Variants in RPRD1B observed in about 807,000 individuals in gnomAD.
The protein encoded by RPRD1B is regulation of nuclear pre-mRNA domain containing 1B, also known as regulation of nuclear pre-mRNA domain-containing protein 1B.
A neutral mutation model predicts 41.5 loss-of-function variants in RPRD1B; 11 were observed. The ratio of observed to expected loss-of-function variants is 0.27; its 90% CI spans 0.17 to 0.44. The LOEUF is 0.44. RPRD1B is among the 20% of genes least tolerant of loss of function. The pLI is 1.00. For synonymous variants in RPRD1B, 158 were observed against 155.6 expected, an observed-to-expected ratio of 1.02 and a Z score of -0.12; for missense variants, 248 against 389.9, an observed-to-expected ratio of 0.64 and a Z score of 3.06.
intron 2 of RPRD1B, 38 bp downstream of exon 2, chr20:38,040,602 T>C (rs1477806667): frequency 1.3e-6 from 2 of 1,580,126 alleles, no homozygotes; most frequent in African/African-American, 2.8e-5. Flanking sequence ...TTTAAATTCA[T>C]TGCCTTTCCC....
intron 5 of RPRD1B, among the ~76,000 whole-genome samples, chr20:38,061,636 C>T (rs147157665): frequency 6.6e-6 from 1 of 152,090 alleles, no homozygotes; most frequent in Non-Finnish European, 1.5e-5. Context: ...TAGCTACTGC[C>T]TCATTTCTCT....
chr20:38,044,683 A>C (rs1373954074), intron 2 of RPRD1B, among the ~76,000 whole-genome samples: 1 of 152,110 alleles, frequency 6.6e-6, no homozygotes, highest in Non-Finnish European at 1.5e-5. Context: ...TCAGGTGTTC[A>C]TTAAGAACCG....
intron 6 of RPRD1B, among the ~76,000 whole-genome samples, chr20:38,073,069 T>C (rs1243650166): frequency 6.6e-6 from 1 of 152,140 alleles, no homozygotes; most frequent in Non-Finnish European, 1.5e-5. Flanking sequence ...TTCATCAGAT[T>C]TGTACTTTTG....
intron 3 of RPRD1B, among the ~76,000 whole-genome samples, chr20:38,048,955 T>A (rs1186687736): frequency 1.3e-5 from 2 of 152,052 alleles, no homozygotes; most frequent in Non-Finnish European, 2.9e-5. Flanking sequence ...AAGTTGATTG[T>A]TTGTTTGTTT....
chr20:38,051,567 T>G (rs1337910864), intron 3 of RPRD1B, among the ~76,000 whole-genome samples: 1 of 152,208 alleles, frequency 6.6e-6, no homozygotes, highest in Non-Finnish European at 1.5e-5. Context: ...AGAGAGATAA[T>G]TGGTAAGTGG....
At chr20:38,040,074 G>T (rs2074049932) in intron 1 of RPRD1B, among the ~76,000 whole-genome samples, 1 of 152,140 alleles carries the variant, frequency 6.6e-6, no homozygotes, top group African/African-American at 2.4e-5. Context: ...AATTAAAAGT[G>T]AGTTAGAAGT....
In RPRD1B at chr20:38,090,129, A is replaced by C. The variant is rs1185847925; in HGVS notation, c.*254A>C. ...ACTTTTTCTCCCACTTCATATTTTC[A>C]TGCCCCCCTGTTGGTTTTCCATTCT... is the stretch of plus-strand genomic sequence containing the variant. On this transcript the variant is annotated 3_prime_UTR_variant, in exon 7 of 7. Coordinates refer to ENST00000373433, the MANE Select transcript of RPRD1B (RefSeq NM_021215.4). The C allele has an allele frequency of 8.4e-7, 1 of 1,192,032 alleles. No homozygotes were observed. Among genetic ancestry groups the C allele is most frequent in the East Asian group, 3.8e-5 (1 of 26,520 alleles). The allele number at this position is 1,192,032 out of a possible 1,614,324, so 73.8% of individuals were successfully genotyped here. A position where few individuals can be genotyped will look rare whatever the true frequency, so the allele number is the denominator to read the frequency against.
chr20:38,057,587 G>A lies in RPRD1B; in HGVS notation c.471G>A (p.Glu157=). 3 of 1,614,094 alleles carry A rather than the reference G, an allele frequency of 1.9e-6. No homozygotes were observed. The highest frequency in any genetic ancestry group is 4.5e-5 in the East Asian group (2 of 44,882). ...CTTTTCAGCAAATTCAGGAGGAGGA[G>A]GATGACGACTACCCTGGCAGCTACT... is the stretch of plus-strand genomic sequence containing the variant. ...KRTFQQIQEE[E]DDDYPGSYSP... The change falls in exon 4 of 7, where the codon GAG becomes GAA. Residue 157 remains glutamate, a synonymous_variant. Coordinates refer to ENST00000373433, the MANE Select transcript of RPRD1B (RefSeq NM_021215.4).
At position 38,091,169 on chromosome 20, in the gene RPRD1B, G is replaced by A. The variant is rs77207384; in HGVS notation, c.*1294G>A. The A allele has an allele frequency of 4.1e-6, 4 of 985,772 alleles. No individual in the cohort carries two copies. In the East Asian group the frequency reaches 3.4e-4, roughly 84 times the overall value. 61.1% of individuals were successfully genotyped at this position (985,772 alleles called of 1,614,324 possible). A position where few individuals can be genotyped will look rare whatever the true frequency, so the allele number is the denominator to read the frequency against. ...CATTGGAAAGGGCAGAAAGCGATTT[G>A]CCCCAGTAGTGTAATAGGAGTTATA... On this transcript the variant is annotated 3_prime_UTR_variant, in exon 7 of 7. Transcript: ENST00000373433.
chr20:38,057,413 GCCATTCTGAAAATGTGTGC>G (rs921780907), intron 3 of RPRD1B, 100 bp from the exon 4 acceptor site: 36 of 673,032 alleles, frequency 5.3e-5, no homozygotes, highest in South Asian at 2.4e-4. Context: ...TTACTATTAA[GCCATTCTGAAAATGTGTGC>G]CCCTTCTGCC....
rs2074610892 is a variant in RPRD1B at position 38,091,435 on chromosome 20, T to C, written c.*1560T>C. ...ATAGCAGATACTCAGTTTAACTCTGTGTAGAACCTAGTAGTGTTTGAGCTG... is the reference window on the plus strand; with the variant it reads ...ATAGCAGATACTCAGTTTAACTCTGCGTAGAACCTAGTAGTGTTTGAGCTG... On this transcript the variant is annotated 3_prime_UTR_variant, in exon 7 of 7. Transcript: ENST00000373433. The C allele has an allele frequency of 2.0e-6, 2 of 985,438 alleles. No homozygotes were observed. Among genetic ancestry groups the C allele is most frequent in the Non-Finnish European group, 2.4e-6 (2 of 829,934 alleles). The allele number at this position is 985,438 out of a possible 1,614,324, so 61.0% of individuals were successfully genotyped here.
In RPRD1B at chr20:38,048,352, G is replaced by A; in HGVS notation, c.286G>A (p.Ala96Thr). The A allele has an allele frequency of 6.2e-7, 1 of 1,611,690 alleles. No homozygotes were observed. Among genetic ancestry groups the A allele is most frequent in the Non-Finnish European group, 8.5e-7 (1 of 1,178,226 alleles). The change falls in exon 3 of 7, where the codon GCA (alanine) becomes ACA (threonine). Residue 96 changes from alanine to threonine, a missense_variant. Ala to Thr is a moderately conservative substitution (Grantham distance 58, BLOSUM62 0). Around this residue, in one of 5 missense-constraint regions of RPRD1B, gnomAD observed 47 missense variants for 103.6 expected, o/e 0.45. Transcript: ENST00000373433. ...CTTTTCATCTTTTCTGGGCAGAGAG[G>A]CAGATGAAGGCTGTAAAAAACCTTT... ...VDAFSHVARE[A>T]DEGCKKPLER...
intron 1 of RPRD1B, among the ~76,000 whole-genome samples, chr20:38,038,480 T>TTTTTGTTTTGTTTTG (rs1395411806): frequency 3.0e-5 from 4 of 132,564 alleles, no homozygotes; most frequent in Non-Finnish European, 4.6e-5. Context: ...CGGCTGATTT[T>TTTTTGTTTTGTTTTG]TTTTGTTTTG....
intron 1 of RPRD1B, among the ~76,000 whole-genome samples, chr20:38,037,531 A>C (rs574437499): frequency 2.8e-4 from 43 of 152,334 alleles, no homozygotes; most frequent in African/African-American, 1.0e-3. Flanking sequence ...GGACATCTGA[A>C]CAAGTGAGTT....
At chr20:38,049,086 A>T (rs1039561402) in intron 3 of RPRD1B, among the ~76,000 whole-genome samples, 7 of 151,368 alleles carry the variant, frequency 4.6e-5, no homozygotes, top group African/African-American at 1.5e-4. Flanking sequence ...AGTAGCTGAG[A>T]TTCAGGCACC....
intron 6 of RPRD1B, chr20:38,070,806 T>A (rs1001063093): frequency 1.2e-6 from 1 of 866,700 alleles, no homozygotes; most frequent in Non-Finnish European, 1.4e-6. Context: ...AGTAGAGCAA[T>A]CTGAGCTCAC....
chr20:38,057,682 T>A, intron 4 of RPRD1B, 38 bp downstream of exon 4: 1 of 1,398,818 alleles, frequency 7.1e-7, no homozygotes, highest in Non-Finnish European at 1.0e-6. Context: ...AACAGTGGCT[T>A]AAAGTGACCT....
intron 6 of RPRD1B, among the ~76,000 whole-genome samples, chr20:38,073,703 G>A (rs2074432793): frequency 6.6e-6 from 1 of 152,198 alleles, no homozygotes; most frequent in African/African-American, 2.4e-5. Context: ...TTCCTATGAT[G>A]ATCAAAGCCA....
chr20:38,062,800 TC>T (rs1444571132), intron 5 of RPRD1B, among the ~76,000 whole-genome samples: 1 of 40,290 alleles, frequency 2.5e-5, no homozygotes, highest in African/African-American at 9.4e-5. Context: ...CCCCCACGAC[TC>T]CCCCCATCAC....
Sources: gnomAD v4.1 joint callset for allele counts (sites outside exome capture counted in the v4.1 genomes callset) on GRCh38, gnomAD v4.1.1 for gene constraint, gnomAD v4.1.1 regional missense constraint, MANE v1.5 for transcripts, NCBI Gene and HGNC (gene_info 2026-07-23, HGNC 2026-07-21) for gene names.